The following DTHD1 variants were observed in gnomAD, a reference collection of about 807,000 sequenced individuals.
DTHD1 encodes death domain containing 1.
DTHD1 carries 59 observed loss-of-function variants against 74.8 expected under a neutral mutation model. That is an observed-to-expected ratio of 0.79 (90% confidence interval 0.64 to 0.98). The LOEUF (loss-of-function observed/expected upper bound fraction) is 0.98, where lower values mean the gene tolerates loss of function less well. DTHD1 is among the 50% of genes least tolerant of loss of function. DTHD1 has a pLI of 0.00. For synonymous variants in DTHD1, 365 were observed against 371.1 expected (o/e 0.98, Z 0.19); for missense variants, 1,051 against 1,065.4 (o/e 0.99, Z 0.19).
At chr4:36,299,310 T>C (rs1365110156) in intron 5 of DTHD1, among the ~76,000 whole-genome samples, 1 of 152,182 alleles carries the variant, frequency 6.6e-6, no homozygotes, top group African/African-American at 2.4e-5. Flanking sequence ...TGATATAACA[T>C]GCTAGGATGA....
intron 8 of DTHD1, among the ~76,000 whole-genome samples, chr4:36,326,148 G>A (rs1178607529): frequency 6.6e-6 from 1 of 151,992 alleles, no homozygotes; most frequent in Non-Finnish European, 1.5e-5. Flanking sequence ...GGCTGCCATT[G>A]TGACAGCAAT....
chr4:36,327,056 T>C (rs1012260959), intron 8 of DTHD1, among the ~76,000 whole-genome samples: 1 of 151,764 alleles, frequency 6.6e-6, no homozygotes, highest in Non-Finnish European at 1.5e-5. Flanking sequence ...AACCTCTGCC[T>C]ACTGGGTTCA....
At chr4:36,314,605 T>C (rs959350557) in intron 7 of DTHD1, among the ~76,000 whole-genome samples, 1 of 151,842 alleles carries the variant, frequency 6.6e-6, no homozygotes, top group East Asian at 1.9e-4. Context: ...CAGCTTGAGC[T>C]TGGGAGGTGG....
chr4:36,331,815 A>C (rs1337933197), intron 8 of DTHD1, among the ~76,000 whole-genome samples: 1 of 152,236 alleles, frequency 6.6e-6, no homozygotes, highest in Non-Finnish European at 1.5e-5. Context: ...TAAAAGTATC[A>C]GAAAGTTCTT....
Position 36,281,819 on chromosome 4 carries a change from C to G in DTHD1, c.61C>G (p.Gln21Glu). 1 of 1,242,258 alleles carries G rather than the reference C, an allele frequency of 8.0e-7. No individual in the cohort carries two copies. The highest frequency in any genetic ancestry group is 3.1e-5 in the East Asian group (1 of 32,054). The allele number at this position is 1,242,258 out of a possible 1,614,324, so 77.0% of individuals were successfully genotyped here. The change falls in exon 1 of 10, where the codon CAA becomes GAA. Residue 21 changes from glutamine (Q) to glutamate (E), a missense_variant. Gln to Glu is a conservative substitution (Grantham distance 29). Transcript: ENST00000639862. ...CCAAATATTGAAGCAGATTTGGAGA[C>G]AAAACCAGATGCTAAAGCAGGCACT... ...LGQILKQIWR[Q>E]NQMLKQALLG... is the part of the protein sequence containing the mutation.
intron 8 of DTHD1, among the ~76,000 whole-genome samples, chr4:36,317,908 G>A (rs913457970): frequency 1.3e-5 from 2 of 152,204 alleles, no homozygotes; most frequent in Non-Finnish European, 2.9e-5. Flanking sequence ...TCAGACAGTG[G>A]AAATGAAGAA....
intron 2 of DTHD1, among the ~76,000 whole-genome samples, chr4:36,288,340 C>A (rs764928164): frequency 5.9e-5 from 9 of 152,156 alleles, no homozygotes; most frequent in Non-Finnish European, 1.3e-4. Flanking sequence ...TCAGGTGATC[C>A]TTCCGCTTCG....
In DTHD1 at chr4:36,308,416, C is replaced by T. The variant is rs374066496; in HGVS notation, c.2018C>T (p.Pro673Leu). ...DLHLEGFGGPPEPSRHFQVRE... is the reference protein window; with the variant it reads ...DLHLEGFGGPLEPSRHFQVRE... ...CACTTGGAAGGGTTTGGAGGACCTC[C>T]AGAGCCATCTCGTCATTTCCAAGTT... The change falls in exon 7 of 10, where the codon CCA (proline) becomes CTA (leucine). Residue 673 changes from proline (P) to leucine (L), a missense_variant. Coordinates refer to ENST00000639862, the MANE Select transcript of DTHD1 (RefSeq NM_001170700.3). 3.0e-5 allele frequency: 46 copies of T among 1,551,854 alleles called. No homozygotes were observed. The African/African-American group carries it at 3.6e-4, about 12-fold the overall frequency.
chr4:36,287,991 A>T (rs1343394436), intron 2 of DTHD1, among the ~76,000 whole-genome samples: 1 of 151,960 alleles, frequency 6.6e-6, no homozygotes, highest in Non-Finnish European at 1.5e-5. Flanking sequence ...TAGTCTAGTT[A>T]AGTCCTATAT....
chr4:36,283,692 G>T (rs1167381224), intron 1 of DTHD1, among the ~76,000 whole-genome samples: 3 of 152,184 alleles, frequency 2.0e-5, no homozygotes, highest in Non-Finnish European at 2.9e-5. Context: ...GGAGCAAGAG[G>T]TTATGACATT....
Position 36,346,064 on chromosome 4 carries a change from C to A in DTHD1, c.*2240C>A, listed in dbSNP as rs1759567429. Among the ~76,000 whole-genome samples the A allele has an allele frequency of 6.6e-6, 1 of 152,022 alleles. No homozygotes were observed. The highest frequency in any genetic ancestry group is 1.5e-5 in the Non-Finnish European group (1 of 67,974). ...CCTCCTGCACACCCAGCTCCCAACT[C>A]TCTCACAGAAACACACCTATTCACA... On this transcript the variant is annotated 3_prime_UTR_variant, in exon 10 of 10. Coordinates refer to ENST00000639862, the MANE Select transcript of DTHD1 (RefSeq NM_001170700.3).
At chr4:36,341,507 A>G (rs1759310657) in intron 9 of DTHD1, among the ~76,000 whole-genome samples, 1 of 152,230 alleles carries the variant, frequency 6.6e-6, no homozygotes, top group Non-Finnish European at 1.5e-5. Context: ...GGCTAAAGAT[A>G]GGAGAAAAGA....
intron 5 of DTHD1, among the ~76,000 whole-genome samples, chr4:36,300,642 C>CTAAAT (rs2109479360): frequency 6.6e-6 from 1 of 152,230 alleles, no homozygotes; most frequent in Non-Finnish European, 1.5e-5. Flanking sequence ...AAAGATTATT[C>CTAAAT]TAAATTTGTT....
chr4:36,312,703 G>A (rs1039685116), intron 7 of DTHD1, among the ~76,000 whole-genome samples: 3 of 152,166 alleles, frequency 2.0e-5, no homozygotes, highest in African/African-American at 7.2e-5. Context: ...CTTGCCTTGT[G>A]TGTATGAGGA....
At chr4:36,338,081 A>G (rs1169295584) in intron 8 of DTHD1, among the ~76,000 whole-genome samples, 4 of 152,254 alleles carry the variant, frequency 2.6e-5, no homozygotes, top group Non-Finnish European at 4.4e-5. Context: ...TTCAAGATAT[A>G]GAACTATTCT....
chr4:36,303,417 G>T (rs576211508), intron 5 of DTHD1, among the ~76,000 whole-genome samples: 41 of 152,208 alleles, frequency 2.7e-4, no homozygotes, highest in Admixed American at 5.9e-4. Context: ...TAAGCAAAAA[G>T]AATTTTTGAT....
In DTHD1 at chr4:36,307,205, G is replaced by A. The variant is rs1244521087; in HGVS notation, c.1805+853G>A. On this transcript the variant is annotated intron_variant, in intron 6 of 9. Coordinates refer to ENST00000639862, the MANE Select transcript of DTHD1 (RefSeq NM_001170700.3). ...AGGTCTGTATTAGTTTGTTAAGGCTGCTCTAACAATGTACCACATACTGGT... is the reference window on the plus strand; with the variant it reads ...AGGTCTGTATTAGTTTGTTAAGGCTACTCTAACAATGTACCACATACTGGT... Among the ~76,000 whole-genome samples, 5 of 152,156 alleles carry A rather than the reference G, an allele frequency of 3.3e-5. No homozygotes were observed. In the East Asian group the frequency reaches 9.6e-4, roughly 29 times the overall value.
Position 36,306,293 on chromosome 4 carries a change from T to C in DTHD1, c.1746T>C (p.Asp582=), listed in dbSNP as rs1757044532. Reference sequence around the variant, plus strand: ...ACAGTGGTTGGTGTGGGCTTGATGATGTTGTGAAAACCATACAGAGCGGCT... The same window carrying C: ...ACAGTGGTTGGTGTGGGCTTGATGACGTTGTGAAAACCATACAGAGCGGCT... The part of the protein sequence containing the change: ...SQDSGWCGLD[D]VVKTIQSGLV... Residue 582 remains aspartate (D), a synonymous_variant, in exon 6 of 10, where the codon GAT becomes GAC. Coordinates refer to ENST00000639862, the MANE Select transcript of DTHD1 (RefSeq NM_001170700.3). 6.4e-7 allele frequency: 1 copy of C among 1,550,412 alleles called. No individual in the cohort carries two copies. Among genetic ancestry groups the C allele is most frequent in the South Asian group, 1.2e-5 (1 of 84,056 alleles).
chr4:36,297,660 T>G (rs2109471424), intron 5 of DTHD1, among the ~76,000 whole-genome samples: 1 of 152,252 alleles, frequency 6.6e-6, no homozygotes, highest in South Asian at 2.1e-4. Context: ...AGATTCCAGC[T>G]TCATGACTTA....
Sources: gnomAD v4.1 joint callset for allele counts (sites outside exome capture counted in the v4.1 genomes callset) on GRCh38, gnomAD v4.1.1 for gene constraint, MANE v1.5 for transcripts, NCBI Gene and HGNC (gene_info 2026-07-23, HGNC 2026-07-21) for gene names.